Variants in MAP3K4 observed in about 807,000 individuals in gnomAD.
MAP3K4 encodes MAP three kinase 1.
MAP3K4 carries 67 observed loss-of-function variants against 185.6 expected under a neutral mutation model. The ratio of observed to expected loss-of-function variants is 0.36; its 90% CI spans 0.30 to 0.44. The LOEUF (loss-of-function observed/expected upper bound fraction) is 0.44. MAP3K4 is among the 20% of genes least tolerant of loss of function. The pLI, the probability that MAP3K4 is intolerant of heterozygous loss-of-function variation, is 1.00. For missense variants in MAP3K4, 1,551 were observed against 1,995.1 expected, an observed-to-expected ratio of 0.78 and a Z score of 4.24; for synonymous variants, 702 against 710.4, an observed-to-expected ratio of 0.99 and a Z score of 0.19.
rs367698509 is a variant in MAP3K4, at chr6:161,073,647, C to G, written c.2097+35C>G. ...AGTGGGGAGGAATTTTTCTTTCTTTCTTTGTTTCTTTTTTTAAAAAAGTAA... is the reference window on the plus strand; with the variant it reads ...AGTGGGGAGGAATTTTTCTTTCTTTGTTTGTTTCTTTTTTTAAAAAAGTAA... On this transcript the variant is annotated intron_variant, in intron 5 of 26. Coordinates refer to ENST00000392142, the MANE Select transcript of MAP3K4 (RefSeq NM_005922.4). The surrounding 1 kb of genome is among the most constrained non-coding windows in gnomAD (Gnocchi z 4.2). 8 of 1,584,398 alleles carry G rather than the reference C, an allele frequency of 5.0e-6. No individual in the cohort carries two copies. In the African/African-American group the frequency reaches 6.8e-5, roughly 14 times the overall value.
chr6:161,030,448 T>C (rs892371266), intron 1 of MAP3K4, among the ~76,000 whole-genome samples: 1 of 152,144 alleles, frequency 6.6e-6, no homozygotes, highest in Non-Finnish European at 1.5e-5. Context: ...TTTGTTTGTT[T>C]GTTTGTTTGA....
At position 161,110,148 on chromosome 6, in the gene MAP3K4, C is replaced by A. The variant is rs1469291768; in HGVS notation, c.4396+234C>A. Among the ~76,000 whole-genome samples, 2 of 152,204 alleles carry A rather than the reference C, an allele frequency of 1.3e-5. No homozygotes were observed. Among genetic ancestry groups the A allele is most frequent in the Non-Finnish European group, 2.9e-5 (2 of 68,030 alleles). ...CACTGCTTTTAGAGAAATCTGTTTT[C>A]CCAAAATGAAGTTTGCTATTTTTAT... On this transcript the variant is annotated intron_variant, in intron 23 of 26. Coordinates refer to ENST00000392142, the MANE Select transcript of MAP3K4 (RefSeq NM_005922.4). This position sits in a 1 kb window ranked among gnomAD's most constrained non-coding sequence, Gnocchi z 4.8.
chr6:161,059,080 T>A (rs2114786251), intron 3 of MAP3K4, among the ~76,000 whole-genome samples: 1 of 152,218 alleles, frequency 6.6e-6, no homozygotes, highest in East Asian at 1.9e-4. Context: ...GCAGGAGAAA[T>A]TTGATTTTTC....
Position 161,096,178 on chromosome 6 carries a change from A to T in MAP3K4, c.3428-902A>T, listed in dbSNP as rs1317447352. 6.6e-6 allele frequency among the ~76,000 whole-genome samples: 1 copy of T among 152,190 alleles called. No individual in the cohort carries two copies. The highest frequency in any genetic ancestry group is 6.5e-5 in the Admixed American group (1 of 15,282). On this transcript the variant is annotated intron_variant, in intron 15 of 26. Coordinates refer to ENST00000392142, the MANE Select transcript of MAP3K4 (RefSeq NM_005922.4). This position sits in a 1 kb window ranked among gnomAD's most constrained non-coding sequence, Gnocchi z 4.9. ...TGTAAGTTCTGTAAGGGAACTTCAG[A>T]TCTCTCCATTTTTACTACTTCTGTC...
Position 161,067,287 on chromosome 6 carries a change from C to A in MAP3K4, c.1708-3321C>A. ...CAACTCGAAGCAGGGATGGGGCTTG[C>A]AGGTCACAGGTAGGTAAGAGACAAA... On this transcript the variant is annotated intron_variant, in intron 3 of 26. Transcript: ENST00000392142. This position sits in a 1 kb window ranked among gnomAD's most constrained non-coding sequence, Gnocchi z 6.3. The A allele has an allele frequency of 2.3e-6, 1 of 433,930 alleles. No individual in the cohort carries two copies. The highest frequency in any genetic ancestry group is 2.5e-5 in the Admixed American group (1 of 40,304). The allele number at this position is 433,930 out of a possible 1,614,324, so 26.9% of individuals were successfully genotyped here.
At chr6:161,099,828 T>C (rs1483904224) in intron 17 of MAP3K4, among the ~76,000 whole-genome samples, 1 of 152,240 alleles carries the variant, frequency 6.6e-6, no homozygotes, top group African/African-American at 2.4e-5. Flanking sequence ...ATGTGTATTT[T>C]AGTATAAGAG....
At position 161,049,670 on chromosome 6, in the gene MAP3K4, C is replaced by T. The variant is rs1452230342; in HGVS notation, c.1398C>T (p.Ile466=). Residue 466 remains isoleucine, a synonymous_variant, in exon 3 of 27, where the codon ATC becomes ATT. Transcript: ENST00000392142. This position sits in a 1 kb window ranked among gnomAD's most constrained non-coding sequence, Gnocchi z 8.4. Reference sequence around the variant, plus strand: ...CGGATGAGAGTGAAGAAGAACAAATCTCTGATCCTAGGGTACCGGAAATCA... The same window carrying T: ...CGGATGAGAGTGAAGAAGAACAAATTTCTGATCCTAGGGTACCGGAAATCA... ...SSTDESEEEQ[I]SDPRVPEIRQ... is the part of the protein sequence containing the mutation. 6.2e-7 allele frequency: 1 copy of T among 1,614,122 alleles called. No homozygotes were observed. The highest frequency in any genetic ancestry group is 2.2e-5 in the East Asian group (1 of 44,872).
chr6:161,048,819 G>T lies in MAP3K4; in HGVS notation c.547G>T (p.Asp183Tyr), dbSNP rs1273532666. The T allele has an allele frequency of 6.2e-7, 1 of 1,614,156 alleles. No homozygotes were observed. Among genetic ancestry groups the T allele is most frequent in the South Asian group, 1.1e-5 (1 of 91,084 alleles). The change falls in exon 3 of 27, where the codon GAT becomes TAT. Residue 183 changes from aspartate (D) to tyrosine (Y), a missense_variant. Asp to Tyr is a radical substitution (Grantham distance 160). This residue lies in a region of MAP3K4 where 287 missense variants were observed against 268.8 expected (regional missense o/e 1.07). Coordinates refer to ENST00000392142, the MANE Select transcript of MAP3K4 (RefSeq NM_005922.4). The surrounding 1 kb of genome is among the most constrained non-coding windows in gnomAD (Gnocchi z 4.7). Reference sequence around the variant, plus strand: ...GCCAAAAAAATCAATTCCAGATGTGGATCTCAATAAGCCTTACCTCAGCCT... The same window carrying T: ...GCCAAAAAAATCAATTCCAGATGTGTATCTCAATAAGCCTTACCTCAGCCT... ...SLPKKSIPDV[D>Y]LNKPYLSLGC...
At chr6:161,099,362 C>G (rs1052198401) in intron 17 of MAP3K4, among the ~76,000 whole-genome samples, 1 of 152,314 alleles carries the variant, frequency 6.6e-6, no homozygotes, top group South Asian at 2.1e-4. Context: ...AAAATTTCTA[C>G]AAATATTTGC....
intron 1 of MAP3K4, among the ~76,000 whole-genome samples, chr6:161,014,891 G>GTAGCC (rs1266264115): frequency 6.6e-6 from 1 of 152,124 alleles, no homozygotes; most frequent in African/African-American, 2.4e-5. Flanking sequence ...CCTGCACCAT[G>GTAGCC]TAGCCATTAC....
At chr6:161,018,321 G>A (rs1421702621) in intron 1 of MAP3K4, among the ~76,000 whole-genome samples, 1 of 152,168 alleles carries the variant, frequency 6.6e-6, no homozygotes, top group African/African-American at 2.4e-5. Flanking sequence ...TGCAAATAAG[G>A]CAAAGAGCTG....
chr6:161,057,342 G>A (rs1784287480), intron 3 of MAP3K4, among the ~76,000 whole-genome samples: 1 of 152,168 alleles, frequency 6.6e-6, no homozygotes, highest in Non-Finnish European at 1.5e-5. Context: ...ACAACCCTGT[G>A]AGGTGGTGCA....
At chr6:161,090,416 C>T (rs1024828778) in intron 11 of MAP3K4, among the ~76,000 whole-genome samples, 1 of 150,834 alleles carries the variant, frequency 6.6e-6, no homozygotes. Context: ...AACTCTTGGT[C>T]GTGGAGGGCC....
At chr6:161,099,758 CT>C (rs543824244) in intron 17 of MAP3K4, among the ~76,000 whole-genome samples, 103 of 152,294 alleles carry the variant, frequency 6.8e-4, no homozygotes, top group African/African-American at 2.3e-3. Flanking sequence ...TGACCTCCCT[CT>C]TTTTAAAGGT....
At chr6:161,021,424 A>G (rs1489149314) in intron 1 of MAP3K4, among the ~76,000 whole-genome samples, 1 of 152,192 alleles carries the variant, frequency 6.6e-6, no homozygotes, top group African/African-American at 2.4e-5. Flanking sequence ...CTCCTGTCTC[A>G]GATCCTCTGC....
rs1046281735 is a variant in MAP3K4, at chr6:161,008,414, G to A, written c.152+16331G>A. Reference sequence around the variant, plus strand: ...AAAGTGTGTGTGTGTGTAAATATATGTAAAATTATAATCCATTTTATTCTT... The same window carrying A: ...AAAGTGTGTGTGTGTGTAAATATATATAAAATTATAATCCATTTTATTCTT... On this transcript the variant is annotated intron_variant, in intron 1 of 26. Transcript: ENST00000392142. The surrounding 1 kb of genome is among the most constrained non-coding windows in gnomAD (Gnocchi z 4.1). Among the ~76,000 whole-genome samples, 5 of 152,092 alleles carry A rather than the reference G, an allele frequency of 3.3e-5. No individual in the cohort carries two copies. Among genetic ancestry groups the A allele is most frequent in the Non-Finnish European group, 7.4e-5 (5 of 68,006 alleles).
At chr6:161,013,655 G>A (rs574482478) in intron 1 of MAP3K4, among the ~76,000 whole-genome samples, 13 of 152,328 alleles carry the variant, frequency 8.5e-5, no homozygotes, top group African/African-American at 3.1e-4. Context: ...TTATTGAAGA[G>A]GCAACGTTAC....
chr6:161,049,484 T>C lies in MAP3K4; in HGVS notation c.1212T>C (p.Asn404=), dbSNP rs9456617. ...CLWLNITKDL[N]QKLRIMGTVL... ...GGTTAAACATCACAAAAGACTTAAA[T>C]CAGAAATTAAGGATTATGGGCACTG... Residue 404 remains asparagine (N), a synonymous_variant, in exon 3 of 27, where the codon AAT becomes AAC. Coordinates refer to ENST00000392142, the MANE Select transcript of MAP3K4 (RefSeq NM_005922.4). The surrounding 1 kb of genome is among the most constrained non-coding windows in gnomAD (Gnocchi z 8.4). 2.3e-4 allele frequency: 377 copies of C among 1,613,982 alleles called. No individual in the cohort carries two copies. Among genetic ancestry groups the C allele is most frequent in the Non-Finnish European group, 3.1e-4 (360 of 1,180,028 alleles).
At position 161,109,433 on chromosome 6, in the gene MAP3K4, A is replaced by AG. The variant is rs747423258; in HGVS notation, c.4237-319dup. On this transcript the variant is annotated intron_variant, in intron 22 of 26. Transcript: ENST00000392142. The surrounding 1 kb of genome is among the most constrained non-coding windows in gnomAD (Gnocchi z 5.7). ...TTTCAGTACTTAATAATGTATTTGT[A>AG]GGGACAGCCCTGTTGGTCCCTGTCT... Among the ~76,000 whole-genome samples, 7 of 152,210 alleles carry AG rather than the reference A, an allele frequency of 4.6e-5. No homozygotes were observed. Among genetic ancestry groups the AG allele is most frequent in the African/African-American group, 1.7e-4 (7 of 41,442 alleles).
Sources: allele counts gnomAD v4.1 joint callset (sites outside exome capture counted in the v4.1 genomes callset), GRCh38; gene constraint gnomAD v4.1.1; regional missense constraint gnomAD v4.1.1; non-coding constraint Gnocchi (gnomAD v3.1); transcripts MANE v1.5; gene names NCBI Gene and HGNC (gene_info 2026-07-23, HGNC 2026-07-21).